Variants in PCGF5 observed in about 807,000 individuals in gnomAD.
The protein encoded by PCGF5 is polycomb group RING finger protein 5.
A neutral mutation model predicts 44.3 loss-of-function variants in PCGF5; 9 were observed. That is an observed-to-expected ratio of 0.20 (90% CI 0.12 to 0.35). The LOEUF is 0.35. Among genes scored for constraint, PCGF5 ranks in the 10% least tolerant of loss-of-function variants. The probability of loss-of-function intolerance (pLI) is 1.00; values close to 1 mark genes in which losing one functional copy is unlikely to be tolerated. For synonymous variants in PCGF5, 95 were observed against 102.5 expected (o/e 0.93, Z 0.44); for missense variants, 146 against 305.3 (o/e 0.48, Z 3.89).
chr10:91,208,606 A>G (rs1844391672), intron 1 of PCGF5, among the ~76,000 whole-genome samples: 1 of 152,244 alleles, frequency 6.6e-6, no homozygotes, highest in East Asian at 1.9e-4. Context: ...AATTCACCTC[A>G]TTATCATGGA....
intron 2 of PCGF5, among the ~76,000 whole-genome samples, chr10:91,236,100 T>TA (rs1432602043): frequency 7.6e-5 from 11 of 144,890 alleles, no homozygotes; most frequent in African/African-American, 3.1e-4. Flanking sequence ...TAATAATAAA[T>TA]TAAAAAAATA....
intron 1 of PCGF5, among the ~76,000 whole-genome samples, chr10:91,203,894 G>T (rs74149084): frequency 0.013 from 1,924 of 152,214 alleles, 33 homozygotes; most frequent in African/African-American, 0.044. Context: ...TGAACCTAAT[G>T]ATTTCAGTCA....
intron 2 of PCGF5, among the ~76,000 whole-genome samples, chr10:91,229,132 A>C (rs1844932785): frequency 1.3e-5 from 2 of 152,352 alleles, no homozygotes; most frequent in South Asian, 4.1e-4. Flanking sequence ...TATTTTACCC[A>C]ACCAAGAACC....
intron 2 of PCGF5, among the ~76,000 whole-genome samples, chr10:91,237,501 G>A (rs986217906): frequency 1.2e-4 from 18 of 152,164 alleles, no homozygotes; most frequent in Admixed American, 1.3e-4. Context: ...CCAGCACTTT[G>A]GGAGGCCGAA....
rs909478989 is a variant in PCGF5, at chr10:91,284,133, T to A, written c.*5817T>A. The A allele has an allele frequency of 2.0e-5, 3 of 152,612 alleles. No individual in the cohort carries two copies. Among genetic ancestry groups the A allele is most frequent in the Admixed American group, 2.0e-4 (3 of 15,276 alleles). The allele number at this position is 152,612 out of a possible 1,614,324, so 9.5% of individuals were successfully genotyped here. ...ATGTATTTTCTGTTGATCTATGGAA[T>A]GTTCTGTACAAAGCTGTATAATTGT... is the stretch of plus-strand genomic sequence containing the variant. On this transcript the variant is annotated 3_prime_UTR_variant, in exon 10 of 10. Coordinates refer to ENST00000336126, the MANE Select transcript of PCGF5 (RefSeq NM_032373.5).
intron 2 of PCGF5, among the ~76,000 whole-genome samples, chr10:91,239,096 C>G (rs996110526): frequency 1.3e-5 from 2 of 152,048 alleles, no homozygotes; most frequent in Non-Finnish European, 2.9e-5. Context: ...GCTGCCGGCT[C>G]CCAGCACCCT....
intron 2 of PCGF5, among the ~76,000 whole-genome samples, chr10:91,225,557 T>C (rs1443278435): frequency 6.6e-6 from 1 of 151,744 alleles, no homozygotes; most frequent in Non-Finnish European, 1.5e-5. Context: ...ATCGCATCTC[T>C]GAGGAGATCT....
chr10:91,208,618 G>A lies in PCGF5; in HGVS notation c.-183-14071G>A, dbSNP rs545140952. On this transcript the variant is annotated intron_variant, in intron 1 of 9. Transcript: ENST00000614189. ...AAAAATTCACCTCATTATCATGGAA[G>A]AGAATGATCTCTTGGAAAATATATG... Among the ~76,000 whole-genome samples the A allele has an allele frequency of 1.2e-4, 18 of 152,298 alleles. No homozygotes were observed. The South Asian group carries it at 1.2e-3, about 11-fold the overall frequency.
intron 7 of PCGF5, among the ~76,000 whole-genome samples, chr10:91,263,782 G>C (rs559856120): frequency 6.6e-6 from 1 of 152,154 alleles, no homozygotes; most frequent in African/African-American, 2.4e-5. Context: ...AGAGGATCCT[G>C]TAAGTATTGT....
rs185856507 is a variant in PCGF5, at chr10:91,225,776, C to T, written c.112+2793C>T. ...AAGTGGGATAGTTTTTGCCTCTAAG[C>T]CTCAATATAAATACAAACAAATATT... On this transcript the variant is annotated intron_variant, in intron 2 of 9. Transcript: ENST00000336126. Among the ~76,000 whole-genome samples, 428 of 152,000 alleles carry T rather than the reference C, an allele frequency of 2.8e-3. 4 individuals carry two copies. Among genetic ancestry groups the T allele is most frequent in the African/African-American group, 8.7e-3 (359 of 41,482 alleles).
chr10:91,265,147 C>T (rs1468413924), intron 8 of PCGF5, among the ~76,000 whole-genome samples: 3 of 152,020 alleles, frequency 2.0e-5, no homozygotes, highest in Non-Finnish European at 4.4e-5. Flanking sequence ...GTCTTTGATT[C>T]TGGTTAATTC....
At chr10:91,201,063 A>G (rs1225794149) in intron 1 of PCGF5, among the ~76,000 whole-genome samples, 1 of 152,206 alleles carries the variant, frequency 6.6e-6, no homozygotes, top group Non-Finnish European at 1.5e-5. Context: ...GGAAAGTTTT[A>G]TAAAAGTGAG....
At chr10:91,211,378 A>G (rs372781593) in intron 1 of PCGF5, among the ~76,000 whole-genome samples, 2 of 152,178 alleles carry the variant, frequency 1.3e-5, no homozygotes, top group African/African-American at 4.8e-5. Flanking sequence ...TTTCTCCATG[A>G]CAGTGTGCTG....
At chr10:91,229,227 A>G (rs1243699568) in intron 2 of PCGF5, among the ~76,000 whole-genome samples, 1 of 152,204 alleles carries the variant, frequency 6.6e-6, no homozygotes, top group African/African-American at 2.4e-5. Flanking sequence ...CCACTGCAAC[A>G]CAGCAATAAA....
chr10:91,183,300 A>G (rs1254714902), intron 1 of PCGF5, among the ~76,000 whole-genome samples: 2 of 152,012 alleles, frequency 1.3e-5, no homozygotes, highest in Non-Finnish European at 2.9e-5. Flanking sequence ...ATATATATTT[A>G]GAATAGTTAG....
chr10:91,222,550 T>TA, intron 1 of PCGF5, 139 bp from the exon 2 acceptor site: 1 of 427,880 alleles, frequency 2.3e-6, no homozygotes, highest in South Asian at 9.4e-5. Flanking sequence ...AAGTTAATGA[T>TA]ACAATGAAGG....
intron 1 of PCGF5, among the ~76,000 whole-genome samples, chr10:91,189,942 CA>C: frequency 6.6e-6 from 1 of 152,278 alleles, no homozygotes; most frequent in South Asian, 2.1e-4. Context: ...AAATAGTTTA[CA>C]AATCAATAAA....
intron 9 of PCGF5, among the ~76,000 whole-genome samples, chr10:91,272,508 C>A (rs1441261333): frequency 6.6e-6 from 1 of 152,058 alleles, no homozygotes; most frequent in Non-Finnish European, 1.5e-5. Flanking sequence ...CACGGTGGCT[C>A]ACCTCTGTAA....
upstream of PCGF5, among the ~76,000 whole-genome samples, chr10:91,216,758 A>G (rs1023272172): frequency 6.6e-6 from 1 of 152,146 alleles, no homozygotes; most frequent in African/African-American, 2.4e-5. Context: ...AGAGAAAGAC[A>G]TGGTCAAGGG....
Sources: gnomAD v4.1 joint callset for allele counts (sites outside exome capture counted in the v4.1 genomes callset) on GRCh38, gnomAD v4.1.1 for gene constraint, MANE v1.5 for transcripts, NCBI Gene and HGNC (gene_info 2026-07-23, HGNC 2026-07-21) for gene names.